Variants in CEMIP2 observed in about 807,000 individuals in gnomAD.
CEMIP2 encodes the protein cell surface hyaluronidase CEMIP2.
CEMIP2 carries 79 observed loss-of-function variants against 146.9 expected under a neutral mutation model. The observed-to-expected ratio is 0.54, with a 90% confidence interval of 0.45 to 0.65. The LOEUF is 0.65. Among genes scored for constraint, CEMIP2 ranks in the 30% least tolerant of loss-of-function variants. The probability of loss-of-function intolerance (pLI) is 0.00; values close to 1 mark genes in which losing one functional copy is unlikely to be tolerated. For missense variants in CEMIP2, 1,596 were observed against 1,696.2 expected (o/e 0.94, Z 1.04); for synonymous variants, 601 against 606.3 (o/e 0.99, Z 0.13).
At chr9:71,693,416 C>T (rs2131860407) in intron 21 of CEMIP2, among the ~76,000 whole-genome samples, 1 of 152,360 alleles carries the variant, frequency 6.6e-6, no homozygotes, top group African/African-American at 2.4e-5. Context: ...CATGTCTATA[C>T]TTCCATCAAG....
intron 18 of CEMIP2, among the ~76,000 whole-genome samples, chr9:71,701,108 TG>T (rs1417202544): frequency 6.6e-6 from 1 of 151,874 alleles, no homozygotes; most frequent in Non-Finnish European, 1.5e-5. Flanking sequence ...TTTGTTTTTT[TG>T]TTGTTGTTGT....
chr9:71,704,388 A>AG (rs1055277498), intron 18 of CEMIP2: 16 of 592,854 alleles, frequency 2.7e-5, no homozygotes, highest in African/African-American at 2.6e-4. Context: ...TTGACCACAG[A>AG]GAAAAAAAAA....
intron 21 of CEMIP2, 93 bp downstream of exon 21, chr9:71,694,416 C>A (rs1031072259): frequency 9.8e-7 from 1 of 1,022,938 alleles, no homozygotes; most frequent in African/African-American, 1.6e-5. Flanking sequence ...AGCCACCGCA[C>A]CCAGCCAATT....
chr9:71,701,783 C>CT (rs979238571), intron 18 of CEMIP2, among the ~76,000 whole-genome samples: 9 of 152,042 alleles, frequency 5.9e-5, no homozygotes, highest in Admixed American at 2.0e-4. Context: ...CATTTTCTCT[C>CT]TTTTTTGACC....
intron 13 of CEMIP2, among the ~76,000 whole-genome samples, 163 bp downstream of exon 13, chr9:71,717,785 T>C (rs1199868126): frequency 6.6e-6 from 1 of 152,168 alleles, no homozygotes; most frequent in Non-Finnish European, 1.5e-5. Flanking sequence ...CAAACATTTG[T>C]GGTCTTTTAA....
In CEMIP2 at chr9:71,742,616, C is replaced by T. The variant is rs562425938; in HGVS notation, c.1035-2384G>A. Among the ~76,000 whole-genome samples the T allele has an allele frequency of 2.6e-5, 4 of 152,204 alleles. No homozygotes were observed. The South Asian group carries it at 8.3e-4, about 32-fold the overall frequency. ...ATTTAGAAACCAGTAGGGAGAGGAA[C>T]CTAAGAAAGTCAAAATGGTCACAGC... On this transcript the variant is annotated intron_variant, in intron 4 of 23. Coordinates refer to ENST00000377044, the MANE Select transcript of CEMIP2 (RefSeq NM_013390.3).
At chr9:71,728,319 GTATATATA>G (rs371027741) in intron 10 of CEMIP2, among the ~76,000 whole-genome samples, 1 of 32,970 alleles carries the variant, frequency 3.0e-5, no homozygotes, top group East Asian at 6.5e-4. Context: ...ATATATATAC[GTATATATA>G]TATATCTCAG....
At chr9:71,729,763 A>G in intron 10 of CEMIP2, 82 bp downstream of exon 10, 1 of 1,382,822 alleles carries the variant, frequency 7.2e-7, no homozygotes, top group Non-Finnish European at 1.0e-6. Flanking sequence ...ACTGGCACAC[A>G]TGACATTAAA....
intron 4 of CEMIP2, 70 bp downstream of exon 4, chr9:71,744,948 T>C: frequency 6.6e-7 from 1 of 1,508,662 alleles, no homozygotes; most frequent in Admixed American, 2.0e-5. Flanking sequence ...TGTGGCTCCT[T>C]TCCCCACCCT....
chr9:71,725,714 A>G lies in CEMIP2; in HGVS notation c.2050-5T>C. 2 of 1,611,896 alleles carry G rather than the reference A, an allele frequency of 1.2e-6. No homozygotes were observed. The highest frequency in any genetic ancestry group is 1.7e-6 in the Non-Finnish European group (2 of 1,179,112). On this transcript the variant is annotated splice_polypyrimidine_tract_variant and splice_region_variant and intron_variant, in intron 10 of 23. Coordinates refer to ENST00000377044, the MANE Select transcript of CEMIP2 (RefSeq NM_013390.3). ...TAAATACCATATTCCAGCATCCTAC[A>G]AATGAAAGGACAAGCCCATTAAAAG...
chr9:71,722,624 T>C (rs1247399412), intron 11 of CEMIP2, 109 bp from the exon 12 acceptor site: 2 of 784,164 alleles, frequency 2.6e-6, no homozygotes, highest in South Asian at 2.1e-5. Flanking sequence ...CCAAAAAAAG[T>C]GGGGCAGGGA....
rs33948828 is a variant in CEMIP2 at position 71,723,136 on chromosome 9, G to GAAA, written c.2179-624_2179-622dup. Among the ~76,000 whole-genome samples the GAAA allele has an allele frequency of 2.9e-3, 307 of 104,222 alleles. 8 individuals are homozygous for GAAA. The East Asian group carries it at 0.035, about 12-fold the overall frequency. 68.4% of individuals were successfully genotyped at this position (104,222 alleles called of 152,430 possible). A position where few individuals can be genotyped will look rare whatever the true frequency, so the allele number is the denominator to read the frequency against. ...TGGCAGAGAGCATGGAACAGCCAAA[G>GAAA]AAAAAAAAAAAAAAAACAAAACCAT... On this transcript the variant is annotated intron_variant, in intron 11 of 23. Transcript: ENST00000377044.
Position 71,730,226 on chromosome 9 carries a change from G to A in CEMIP2, c.1801C>T (p.Leu601=), listed in dbSNP as rs139672087. 5.2e-5 allele frequency: 84 copies of A among 1,614,006 alleles called. No individual in the cohort carries two copies. The highest frequency in any genetic ancestry group is 6.8e-5 in the Non-Finnish European group (80 of 1,180,032). ...TCTTCCAAAAAGAAACAATGACCTAGTGTGTCAAACCCAATGGTGTCTTTT... is the reference window on the plus strand; with the variant it reads ...TCTTCCAAAAAGAAACAATGACCTAATGTGTCAAACCCAATGGTGTCTTTT... ...LIKDTIGFDT[L]GHCFFLEDGI... The change falls in exon 9 of 24, where the codon CTA becomes TTA. Residue 601 remains leucine (L), a synonymous_variant. Coordinates refer to ENST00000377044, the MANE Select transcript of CEMIP2 (RefSeq NM_013390.3).
At chr9:71,756,304 CAT>C (rs527911282) in intron 1 of CEMIP2, among the ~76,000 whole-genome samples, 1 of 146,896 alleles carries the variant, frequency 6.8e-6, no homozygotes, top group Admixed American at 6.8e-5. Context: ...ATATACCTAG[CAT>C]ATATATATGT....
chr9:71,751,391 T>C (rs939750261), intron 1 of CEMIP2, among the ~76,000 whole-genome samples: 3 of 152,210 alleles, frequency 2.0e-5, no homozygotes, highest in African/African-American at 4.8e-5. Context: ...CCTGGCTGCA[T>C]AGTGTAATCA....
At chr9:71,737,155 C>CAAAAAA (rs34623620) in intron 5 of CEMIP2, among the ~76,000 whole-genome samples, 4 of 107,064 alleles carry the variant, frequency 3.7e-5, no homozygotes, top group Non-Finnish European at 5.8e-5. Context: ...AGATCTTTCT[C>CAAAAAA]AAAAAAAAAA....
intron 1 of CEMIP2, among the ~76,000 whole-genome samples, chr9:71,758,788 T>A (rs914984917): frequency 1.3e-5 from 2 of 152,206 alleles, no homozygotes; most frequent in African/African-American, 4.8e-5. Flanking sequence ...TCTCAAAATA[T>A]GTCAAAGAAA....
At chr9:71,730,370 G>A in intron 8 of CEMIP2, 117 bp from the exon 9 acceptor site, 1 of 978,978 alleles carries the variant, frequency 1.0e-6, no homozygotes, top group South Asian at 1.7e-5. Flanking sequence ...TTGAACCTTA[G>A]CAGAATGGGC....
intron 21 of CEMIP2, among the ~76,000 whole-genome samples, chr9:71,692,108 TA>T (rs575560028): frequency 7.5e-4 from 101 of 135,146 alleles, no homozygotes; most frequent in African/African-American, 1.8e-3. Context: ...GACTCTATCT[TA>T]AAAAAAAAAA....
Sources: gnomAD v4.1 joint callset for allele counts (sites outside exome capture counted in the v4.1 genomes callset) on GRCh38, gnomAD v4.1.1 for gene constraint, MANE v1.5 for transcripts, NCBI Gene and HGNC (gene_info 2026-07-23, HGNC 2026-07-21) for gene names.